NRXN1: variants seen among roughly 807,000 people sequenced by gnomAD.
NRXN1 encodes the protein neurexin 1, also known as neurexin-1.
A neutral mutation model predicts 150.9 loss-of-function variants in NRXN1; 39 were observed. The ratio of observed to expected loss-of-function variants is 0.26; its 90% CI spans 0.20 to 0.34. The LOEUF (loss-of-function observed/expected upper bound fraction) is 0.34, where lower values mean the gene tolerates loss of function less well. Among genes scored for constraint, NRXN1 ranks in the 10% least tolerant of loss-of-function variants. NRXN1 has a pLI of 1.00. For missense variants in NRXN1, 1,815 were observed against 1,949.9 expected, an observed-to-expected ratio of 0.93 and a Z score of 1.30; for synonymous variants, 924 against 757.0, an observed-to-expected ratio of 1.22 and a Z score of -3.62.
At chr2:50,007,515 A>G (rs1412298614) in intron 21 of NRXN1, among the ~76,000 whole-genome samples, 3 of 152,034 alleles carry the variant, frequency 2.0e-5, no homozygotes, top group Non-Finnish European at 4.4e-5. Context: ...GTTTGCTGAG[A>G]ATGATGGTTT....
At chr2:50,243,083 T>G (rs1304499550) in intron 17 of NRXN1, among the ~76,000 whole-genome samples, 1 of 151,814 alleles carries the variant, frequency 6.6e-6, no homozygotes, top group African/African-American at 2.4e-5. Flanking sequence ...ATAGGAAGAA[T>G]GAGTTCTGGT....
chr2:51,015,125 G>A (rs1668467028), intron 2 of NRXN1, among the ~76,000 whole-genome samples: 1 of 151,974 alleles, frequency 6.6e-6, no homozygotes, highest in African/African-American at 2.4e-5. Context: ...TAAACCAACA[G>A]TTCTCAATGT....
intron 2 of NRXN1, among the ~76,000 whole-genome samples, chr2:50,933,443 C>A (rs909032525): frequency 9.9e-5 from 15 of 152,038 alleles, no homozygotes; most frequent in African/African-American, 3.4e-4. Flanking sequence ...GGGAACTGAG[C>A]AGCAAATTAT....
At chr2:50,619,994 G>T (rs1451178677) in intron 8 of NRXN1, 28 bp downstream of exon 8, 1 of 1,531,322 alleles carries the variant, frequency 6.5e-7, no homozygotes, top group South Asian at 1.3e-5. Context: ...CATGAATTAG[G>T]AATGATTCTG....
At chr2:50,408,114 G>A (rs988194145) in intron 17 of NRXN1, among the ~76,000 whole-genome samples, 1 of 151,912 alleles carries the variant, frequency 6.6e-6, no homozygotes, top group Admixed American at 6.6e-5. Flanking sequence ...GAATAAATAA[G>A]ATATAAGCCC....
chr2:50,139,117 G>A (rs1706856246), intron 18 of NRXN1, among the ~76,000 whole-genome samples: 1 of 152,152 alleles, frequency 6.6e-6, no homozygotes, highest in African/African-American at 2.4e-5. Flanking sequence ...CCTGAGGTCA[G>A]GCATTTGAGA....
intron 17 of NRXN1, among the ~76,000 whole-genome samples, chr2:50,319,725 T>C (rs949399721): frequency 6.6e-6 from 1 of 151,990 alleles, no homozygotes; most frequent in African/African-American, 2.4e-5. Context: ...AGTGGCACCG[T>C]AGCACCTCAA....
chr2:50,808,652 T>C (rs1667825895), intron 5 of NRXN1, among the ~76,000 whole-genome samples: 1 of 152,142 alleles, frequency 6.6e-6, no homozygotes, highest in Non-Finnish European at 1.5e-5. Flanking sequence ...GTTTTCTGAC[T>C]CTTGATGCAT....
At chr2:50,431,515 G>A (rs1207905281) in intron 17 of NRXN1, among the ~76,000 whole-genome samples, 1 of 152,044 alleles carries the variant, frequency 6.6e-6, no homozygotes, top group Non-Finnish European at 1.5e-5. Context: ...TGGCACAAAG[G>A]CTAAGAACAG....
At chr2:50,333,909 G>T (rs2076991761) in intron 17 of NRXN1, among the ~76,000 whole-genome samples, 1 of 152,060 alleles carries the variant, frequency 6.6e-6, no homozygotes, top group Non-Finnish European at 1.5e-5. Context: ...ATGAAATTGT[G>T]TAAAAACAGA....
At chr2:50,163,448 T>C (rs2059488590) in intron 18 of NRXN1, among the ~76,000 whole-genome samples, 2 of 152,132 alleles carry the variant, frequency 1.3e-5, no homozygotes, top group Non-Finnish European at 2.9e-5. Context: ...CAGATCTACT[T>C]GATAATCAAT....
At chr2:50,767,323 T>G (rs1325781633) in intron 5 of NRXN1, among the ~76,000 whole-genome samples, 1 of 152,112 alleles carries the variant, frequency 6.6e-6, no homozygotes, top group African/African-American at 2.4e-5. Flanking sequence ...TTGCAATTAA[T>G]AAGTTGTATA....
At chr2:50,947,779 T>C (rs1690632140) in intron 2 of NRXN1, among the ~76,000 whole-genome samples, 1 of 152,028 alleles carries the variant, frequency 6.6e-6, no homozygotes, top group Non-Finnish European at 1.5e-5. Flanking sequence ...AGGGTTTCCC[T>C]CATTTCCAGT....
chr2:50,237,265 T>C (rs1462639820), intron 17 of NRXN1, among the ~76,000 whole-genome samples: 1 of 152,040 alleles, frequency 6.6e-6, no homozygotes, highest in Non-Finnish European at 1.5e-5. Context: ...TAATGAGGCA[T>C]TATCTCTTCC....
intron 5 of NRXN1, among the ~76,000 whole-genome samples, chr2:50,703,894 G>A (rs1041990758): frequency 6.6e-5 from 10 of 152,038 alleles, no homozygotes; most frequent in Admixed American, 3.9e-4. Flanking sequence ...TCGTTTCTAC[G>A]TGGTAAAGGC....
intron 5 of NRXN1, among the ~76,000 whole-genome samples, chr2:50,693,585 T>C (rs1692372524): frequency 6.6e-6 from 1 of 152,062 alleles, no homozygotes; most frequent in Non-Finnish European, 1.5e-5. Context: ...AATAAATACG[T>C]TGAATCAATG....
chr2:50,596,863 C>CTTTTTTTTT (rs3053104), intron 8 of NRXN1, among the ~76,000 whole-genome samples: 1 of 92,178 alleles, frequency 1.1e-5, no homozygotes, highest in Admixed American at 1.3e-4. Flanking sequence ...ATTCCTAGGA[C>CTTTTTTTTT]TTTTTTTTTT....
chr2:50,272,302 G>A (rs1283849955), intron 17 of NRXN1, among the ~76,000 whole-genome samples: 2 of 152,150 alleles, frequency 1.3e-5, no homozygotes, highest in African/African-American at 4.8e-5. Context: ...ATCTGCAAGT[G>A]GAGACAGCCA....
At chr2:50,799,773 G>A (rs1332364175) in intron 5 of NRXN1, among the ~76,000 whole-genome samples, 1 of 152,096 alleles carries the variant, frequency 6.6e-6, no homozygotes, top group Non-Finnish European at 1.5e-5. Context: ...TGTATTAAAT[G>A]CATTTTTCAC....
Sources: allele counts gnomAD v4.1 joint callset (sites outside exome capture counted in the v4.1 genomes callset), GRCh38; gene constraint gnomAD v4.1.1; transcripts MANE v1.5; gene names NCBI Gene and HGNC (gene_info 2026-07-23, HGNC 2026-07-21).